Variants in TBC1D5 observed in about 807,000 individuals in gnomAD.
The protein encoded by TBC1D5 is TBC1 domain family, member 5.
TBC1D5 carries 75 observed loss-of-function variants against 100.3 expected under a neutral mutation model. The observed-to-expected ratio is 0.75, with a 90% CI of 0.62 to 0.91. The LOEUF (loss-of-function observed/expected upper bound fraction) is 0.91, where lower values mean the gene tolerates loss of function less well. Ranked by LOEUF, TBC1D5 falls within the 40% of genes least tolerant of loss-of-function variation. The pLI is 0.00. For missense variants in TBC1D5, 910 were observed against 942.4 expected (o/e 0.97, Z 0.45); for synonymous variants, 323 against 325.6 (o/e 0.99, Z 0.09).
intron 2 of TBC1D5, among the ~76,000 whole-genome samples, chr3:17,531,262 G>A (rs2096220376): frequency 6.6e-6 from 1 of 152,104 alleles, no homozygotes; most frequent in African/African-American, 2.4e-5. Flanking sequence ...AAATACCTAG[G>A]AATCAAACTT....
intron 13 of TBC1D5, among the ~76,000 whole-genome samples, chr3:17,328,456 T>C (rs1286480479): frequency 1.3e-5 from 2 of 152,102 alleles, no homozygotes; most frequent in African/African-American, 4.8e-5. Flanking sequence ...ATTGTCCACC[T>C]TGAATCATCT....
chr3:17,164,791 C>T (rs944054912), intron 21 of TBC1D5, among the ~76,000 whole-genome samples: 3 of 152,192 alleles, frequency 2.0e-5, no homozygotes, highest in African/African-American at 7.2e-5. Context: ...GTGGAAGGCC[C>T]CATGCACTTG....
chr3:17,403,699 C>T (rs892339868), intron 7 of TBC1D5, among the ~76,000 whole-genome samples: 6 of 152,086 alleles, frequency 3.9e-5, no homozygotes, highest in African/African-American at 1.2e-4. Flanking sequence ...TATGGAAATA[C>T]TTATGCCATT....
chr3:17,420,629 T>C (rs1270547124), intron 4 of TBC1D5, among the ~76,000 whole-genome samples: 2 of 152,222 alleles, frequency 1.3e-5, no homozygotes, highest in Non-Finnish European at 2.9e-5. Flanking sequence ...CCTAATTCTA[T>C]GCATTATTTT....
At chr3:17,570,169 A>G (rs1198696644) in intron 2 of TBC1D5, among the ~76,000 whole-genome samples, 1 of 151,986 alleles carries the variant, frequency 6.6e-6, no homozygotes, top group African/African-American at 2.4e-5. Flanking sequence ...AGTTCCATCC[A>G]GTAAGTTAAC....
rs2092492268 is a variant in TBC1D5, at chr3:17,372,110, C to CA, written c.959dup (p.Leu320PhefsTer64). 1 of 1,613,326 alleles carries CA rather than the reference C, an allele frequency of 6.2e-7. No homozygotes were observed. Among genetic ancestry groups the CA allele is most frequent in the Admixed American group, 1.7e-5 (1 of 59,928 alleles). Reference sequence around the variant, plus strand: ...TCTGTGGTGCAATTTCTAGTCTGTTCAAGTGCATGTAAAGCTCAATATCAT... The same window carrying CA: ...TCTGTGGTGCAATTTCTAGTCTGTTCAAAGTGCATGTAAAGCTCAATATCAT... On this transcript the variant is annotated frameshift_variant, in exon 13 of 22. Coordinates refer to ENST00000253692, the Ensembl canonical transcript of TBC1D5. LOFTEE classifies it high-confidence loss of function.
At chr3:17,258,443 T>G (rs2077941983) in intron 16 of TBC1D5, 63 bp downstream of exon 16, 1 of 1,498,816 alleles carries the variant, frequency 6.7e-7, no homozygotes, top group African/African-American at 1.4e-5. Context: ...TATGTAAAAT[T>G]TCCTGATGAT....
intron 2 of TBC1D5, among the ~76,000 whole-genome samples, chr3:17,546,282 TA>T (rs1180516043): frequency 6.6e-6 from 1 of 152,188 alleles, no homozygotes; most frequent in African/African-American, 2.4e-5. Context: ...AAATTATATG[TA>T]AACTACTTAC....
At chr3:17,721,035 T>C (rs968378781) in intron 1 of TBC1D5, among the ~76,000 whole-genome samples, 7 of 151,726 alleles carry the variant, frequency 4.6e-5, no homozygotes, top group African/African-American at 1.7e-4. Flanking sequence ...GAGACAGGGT[T>C]TTGCTATGTT....
chr3:17,227,471 T>C (rs1430528920), intron 17 of TBC1D5, among the ~76,000 whole-genome samples: 2 of 152,152 alleles, frequency 1.3e-5, no homozygotes, highest in Non-Finnish European at 2.9e-5. Context: ...TATCAAATTT[T>C]TTCTAAAGTT....
At chr3:17,260,538 A>G (rs1405040879) in intron 15 of TBC1D5, among the ~76,000 whole-genome samples, 1 of 152,238 alleles carries the variant, frequency 6.6e-6, no homozygotes, top group Non-Finnish European at 1.5e-5. Flanking sequence ...AGTTTAAAGT[A>G]CCACTGTACT....
intron 1 of TBC1D5, among the ~76,000 whole-genome samples, chr3:17,685,398 T>C (rs2070121507): frequency 6.6e-6 from 1 of 151,920 alleles, no homozygotes; most frequent in South Asian, 2.1e-4. Flanking sequence ...AGATAAATAA[T>C]TTACTAAATA....
At chr3:17,255,836 A>AGACCAT (rs2077598688) in intron 16 of TBC1D5, among the ~76,000 whole-genome samples, 1 of 152,176 alleles carries the variant, frequency 6.6e-6, no homozygotes, top group East Asian at 2.0e-4. Context: ...CAGGAGATTG[A>AGACCAT]GACCATCTTG....
intron 2 of TBC1D5, among the ~76,000 whole-genome samples, chr3:17,537,537 T>C (rs1405263799): frequency 6.6e-6 from 1 of 152,232 alleles, no homozygotes; most frequent in East Asian, 1.9e-4. Flanking sequence ...TTTTGGTTTA[T>C]GCTCTGTATG....
Position 17,375,271 on chromosome 3 carries a change from T to TAA in TBC1D5, c.702-594_702-593dup, listed in dbSNP as rs137998096. Among the ~76,000 whole-genome samples, 519 of 149,612 alleles carry TAA rather than the reference T, an allele frequency of 3.5e-3. 2 individuals are homozygous for TAA. The highest frequency in any genetic ancestry group is 0.012 in the African/African-American group (505 of 40,940). On this transcript the variant is annotated intron_variant, in intron 10 of 21. Coordinates refer to ENST00000253692, the Ensembl canonical transcript of TBC1D5. ...CTGTCTGAAGAATACACTCACATGT[T>TAA]AAAAAAAAAATGGCAGGCCGAGCAT...
At chr3:17,353,956 C>A (rs909773654) in intron 13 of TBC1D5, among the ~76,000 whole-genome samples, 1 of 152,002 alleles carries the variant, frequency 6.6e-6, no homozygotes, top group Non-Finnish European at 1.5e-5. Flanking sequence ...TACACCAATG[C>A]AAAATAGCAT....
At chr3:17,632,346 A>C (rs1045938196) in intron 1 of TBC1D5, among the ~76,000 whole-genome samples, 5 of 152,312 alleles carry the variant, frequency 3.3e-5, no homozygotes, top group Admixed American at 2.6e-4. Context: ...GGATGAGCAA[A>C]AAAGTAGTCT....
chr3:17,725,113 C>T (rs1318766302), intron 1 of TBC1D5, among the ~76,000 whole-genome samples: 3 of 152,224 alleles, frequency 2.0e-5, no homozygotes, highest in East Asian at 1.9e-4. Flanking sequence ...CTATTTCTGT[C>T]GTTTTTGCTG....
intron 1 of TBC1D5, among the ~76,000 whole-genome samples, chr3:17,660,500 C>T (rs568563217): frequency 7.6e-4 from 116 of 152,270 alleles, no homozygotes; most frequent in Admixed American, 1.8e-3. Flanking sequence ...TGTTACTGGT[C>T]CAGAGATAAC....
Sources: allele counts gnomAD v4.1 joint callset (sites outside exome capture counted in the v4.1 genomes callset), GRCh38; gene constraint gnomAD v4.1.1; transcripts MANE v1.5; gene names NCBI Gene and HGNC (gene_info 2026-07-23, HGNC 2026-07-21).